Variants in JHY observed in about 807,000 individuals in gnomAD.
JHY encodes junctional cadherin complex regulator, also known as jhy protein homolog.
JHY carries 69 observed loss-of-function variants against 78.0 expected under a neutral mutation model. The ratio of observed to expected loss-of-function variants is 0.88; its 90% confidence interval spans 0.73 to 1.08. The LOEUF (loss-of-function observed/expected upper bound fraction) is 1.08. Among genes scored for constraint, JHY ranks in the 50% least tolerant of loss-of-function variants. JHY has a pLI of 0.00. For synonymous variants in JHY, 368 were observed against 342.6 expected, an observed-to-expected ratio of 1.07 and a Z score of -0.82; for missense variants, 944 against 927.8, an observed-to-expected ratio of 1.02 and a Z score of -0.23.
intron 2 of JHY, among the ~76,000 whole-genome samples, chr11:122,896,505 C>T (rs114013467): frequency 6.6e-6 from 1 of 152,206 alleles, no homozygotes; most frequent in African/African-American, 2.4e-5. Context: ...TTCTTAATCC[C>T]ATTCCCTAAA....
At chr11:122,957,612 C>A in intron 8 of JHY, 121 bp downstream of exon 8, 7 of 1,005,732 alleles carry the variant, frequency 7.0e-6, no homozygotes, top group Non-Finnish European at 9.3e-6. Flanking sequence ...CCAGGATGGT[C>A]ATAAACTCCT....
chr11:122,945,583 C>A (rs909958725), intron 5 of JHY, among the ~76,000 whole-genome samples: 1 of 152,154 alleles, frequency 6.6e-6, no homozygotes, highest in Non-Finnish European at 1.5e-5. Context: ...TGTGAACTTA[C>A]ATTTAGCCAC....
At chr11:122,912,467 C>T (rs746888422) in intron 3 of JHY, among the ~76,000 whole-genome samples, 1 of 152,002 alleles carries the variant, frequency 6.6e-6, no homozygotes, top group Non-Finnish European at 1.5e-5. Context: ...TAGGGAACAA[C>T]GAAATATTGG....
intron 2 of JHY, among the ~76,000 whole-genome samples, chr11:122,892,340 T>G (rs1565305893): frequency 6.6e-6 from 1 of 151,582 alleles, no homozygotes. Context: ...TTTTTTTTTT[T>G]GAGATGGAGT....
At chr11:122,908,955 A>C (rs984283377) in intron 3 of JHY, among the ~76,000 whole-genome samples, 2 of 152,186 alleles carry the variant, frequency 1.3e-5, no homozygotes, top group African/African-American at 4.8e-5. Context: ...AAAAAGTATA[A>C]ATGAACAATT....
chr11:122,931,244 A>G (rs187685817), intron 4 of JHY, among the ~76,000 whole-genome samples: 51 of 152,346 alleles, frequency 3.3e-4, no homozygotes, highest in African/African-American at 1.2e-3. Flanking sequence ...CCAATTAAGT[A>G]ATGTTTCAAA....
chr11:122,925,191 C>G (rs962013210), intron 4 of JHY, among the ~76,000 whole-genome samples, 181 bp downstream of exon 4: 15 of 152,174 alleles, frequency 9.9e-5, no homozygotes, highest in Admixed American at 9.8e-4. Context: ...GCCAGCCAAC[C>G]CTACCTGTTT....
chr11:122,931,388 C>A (rs1591388908), intron 4 of JHY, among the ~76,000 whole-genome samples: 2 of 152,156 alleles, frequency 1.3e-5, no homozygotes, highest in South Asian at 2.1e-4. Context: ...GTAATCAAAT[C>A]CTGATTAACC....
intron 6 of JHY, among the ~76,000 whole-genome samples, chr11:122,955,551 C>T (rs1423581753): frequency 6.6e-6 from 1 of 152,118 alleles, no homozygotes; most frequent in Non-Finnish European, 1.5e-5. Flanking sequence ...TCTAATCAGT[C>T]AGTTGTCTCA....
At chr11:122,920,902 G>C (rs1474086164) in intron 3 of JHY, among the ~76,000 whole-genome samples, 1 of 152,098 alleles carries the variant, frequency 6.6e-6, no homozygotes, top group Non-Finnish European at 1.5e-5. Context: ...TGCTGTCTTT[G>C]TTGTATCTTT....
rs1233316046 is a variant in JHY at position 122,957,390 on chromosome 11, T to A, written c.2038T>A (p.Tyr680Asn). ...KTQKLIQQKE[Y>N]AKQVKEYNMK... ...GCAAAAATTAATACAGCAAAAGGAA[T>A]ATGCAAAACAAGTCAAGGAGTACAA... The change falls in exon 8 of 9, where the codon TAT becomes AAT. Residue 680 changes from tyrosine to asparagine, a missense_variant. Coordinates refer to ENST00000227349, the MANE Select transcript of JHY (RefSeq NM_024806.4). 1 of 1,533,200 alleles carries A rather than the reference T, an allele frequency of 6.5e-7. No homozygotes were observed. Among genetic ancestry groups the A allele is most frequent in the Admixed American group, 2.6e-5 (1 of 39,040 alleles). 95.0% of individuals were successfully genotyped at this position (1,533,200 alleles called of 1,614,324 possible).
chr11:122,922,612 C>T (rs956780400), intron 3 of JHY, among the ~76,000 whole-genome samples: 2 of 151,880 alleles, frequency 1.3e-5, no homozygotes, highest in African/African-American at 4.8e-5. Flanking sequence ...AGATAGAGAC[C>T]ATCCTGGCTA....
intron 6 of JHY, among the ~76,000 whole-genome samples, chr11:122,949,788 G>A (rs887869949): frequency 2.6e-5 from 4 of 152,014 alleles, no homozygotes; most frequent in East Asian, 1.9e-4. Context: ...GAGAATCCCC[G>A]GTTCCACTGT....
At chr11:122,912,264 G>C (rs1302086128) in intron 3 of JHY, among the ~76,000 whole-genome samples, 13 of 148,980 alleles carry the variant, frequency 8.7e-5, no homozygotes, top group Admixed American at 1.3e-4. Flanking sequence ...TCCAGCCTAG[G>C]TGACAGAGTG....
intron 2 of JHY, among the ~76,000 whole-genome samples, chr11:122,891,794 T>G (rs189762861): frequency 2.6e-5 from 4 of 152,222 alleles, no homozygotes; most frequent in African/African-American, 9.6e-5. Flanking sequence ...ACGTAATTAC[T>G]AGATAGTAGA....
At chr11:122,948,468 A>C (rs142985443) in intron 6 of JHY, among the ~76,000 whole-genome samples, 35 of 148,366 alleles carry the variant, frequency 2.4e-4, no homozygotes, top group African/African-American at 8.5e-4. Context: ...TAATAATAAT[A>C]ATAATAATAA....
rs563936222 is a variant in JHY, at chr11:122,935,924, C to G, written c.1634+849C>G. On this transcript the variant is annotated intron_variant, in intron 5 of 8. Coordinates refer to ENST00000227349, the MANE Select transcript of JHY (RefSeq NM_024806.4). This position sits in a 1 kb window ranked among gnomAD's most constrained non-coding sequence, Gnocchi z 4.5. ...CAAAATTACACCTTGGGTTGAATGA[C>G]ACTGGTAGAAGAAAAAGTACATCTA... 5.9e-5 allele frequency among the ~76,000 whole-genome samples: 9 copies of G among 152,206 alleles called. No individual in the cohort carries two copies. Among genetic ancestry groups the G allele is most frequent in the Non-Finnish European group, 1.2e-4 (8 of 68,014 alleles).
At position 122,886,115 on chromosome 11, in the gene JHY, A is replaced by T. The variant is rs2135276518; in HGVS notation, c.266A>T (p.Glu89Val). Residue 89 changes from glutamate to valine, a missense_variant, in exon 2 of 9, where the codon GAA becomes GTA. Coordinates refer to ENST00000227349, the MANE Select transcript of JHY (RefSeq NM_024806.4). ...CGATGGGGAAGCCTGCACGAGATGG[A>T]AGAGGAAGCAAGTGGAAAAGCAGCT... is the stretch of plus-strand genomic sequence containing the variant. The part of the protein sequence containing the change: ...SPRWGSLHEM[E>V]EEASGKAAQM... 6.2e-7 allele frequency: 1 copy of T among 1,614,186 alleles called. No individual in the cohort carries two copies. The highest frequency in any genetic ancestry group is 1.1e-5 in the South Asian group (1 of 91,086).
intron 3 of JHY, among the ~76,000 whole-genome samples, chr11:122,914,764 C>T (rs1863201583): frequency 6.6e-6 from 1 of 152,006 alleles, no homozygotes; most frequent in African/African-American, 2.4e-5. Context: ...TTGAGTCCCA[C>T]CTATCCTATT....
Sources: gnomAD v4.1 joint callset for allele counts (sites outside exome capture counted in the v4.1 genomes callset) on GRCh38, gnomAD v4.1.1 for gene constraint, Gnocchi (gnomAD v3.1) non-coding constraint, MANE v1.5 for transcripts, NCBI Gene and HGNC (gene_info 2026-07-23, HGNC 2026-07-21) for gene names.